The following FIG4 variants were observed in gnomAD, a reference collection of about 807,000 sequenced individuals.
FIG4 encodes the protein polyphosphoinositide phosphatase.
Under a neutral mutation model 118.6 loss-of-function variants are expected in FIG4, and 112 were observed. That is an observed-to-expected ratio of 0.94 (90% CI 0.81 to 1.11). The LOEUF is 1.11. Among genes scored for constraint, FIG4 ranks in the 50% least tolerant of loss-of-function variants. The pLI is 0.00. For synonymous variants in FIG4, 369 were observed against 381.2 expected (o/e 0.97, Z 0.37); for missense variants, 969 against 1,111.7 (o/e 0.87, Z 1.83).
intron 1 of FIG4, among the ~76,000 whole-genome samples, chr6:109,698,318 C>T (rs1415317083): frequency 2.6e-5 from 4 of 151,856 alleles, no homozygotes; most frequent in African/African-American, 9.7e-5. Context: ...TATGGCTATT[C>T]TAGAACCTTT....
At chr6:109,692,650 T>C (rs1028902863) in intron 1 of FIG4, among the ~76,000 whole-genome samples, 3 of 152,204 alleles carry the variant, frequency 2.0e-5, no homozygotes, top group African/African-American at 7.2e-5. Context: ...AAACCTATTT[T>C]CTGTAAAATA....
At chr6:109,701,523 T>C (rs1448918212) in intron 1 of FIG4, among the ~76,000 whole-genome samples, 1 of 152,222 alleles carries the variant, frequency 6.6e-6, no homozygotes, top group Non-Finnish European at 1.5e-5. Context: ...TTAAAATTGG[T>C]AGCTAAACAG....
At chr6:109,792,764 G>C (rs530124351) in intron 21 of FIG4, 100 bp downstream of exon 21, 1 of 677,644 alleles carries the variant, frequency 1.5e-6, no homozygotes, top group Admixed American at 2.6e-5. Flanking sequence ...TTGGAGACAA[G>C]AGTCTTGCTC....
chr6:109,790,413 A>G (rs557506119), intron 19 of FIG4, among the ~76,000 whole-genome samples: 5 of 152,344 alleles, frequency 3.3e-5, no homozygotes, highest in African/African-American at 9.6e-5. Flanking sequence ...AGCCCTGACC[A>G]GATGCTATGA....
chr6:109,773,036 C>T (rs1267375869), intron 15 of FIG4, among the ~76,000 whole-genome samples: 1 of 152,206 alleles, frequency 6.6e-6, no homozygotes, highest in Non-Finnish European at 1.5e-5. Flanking sequence ...TGTCCCATGT[C>T]CTTGCTGGCA....
chr6:109,824,808 G>A (rs1157951671), intron 22 of FIG4, among the ~76,000 whole-genome samples: 6 of 152,178 alleles, frequency 3.9e-5, no homozygotes, highest in Non-Finnish European at 5.9e-5. Flanking sequence ...AGACAGATGG[G>A]TGTGCAGACG....
Position 109,716,584 on chromosome 6 carries a change from C to G in FIG4, c.289+16C>G. 1.2e-6 allele frequency: 2 copies of G among 1,613,254 alleles called. No individual in the cohort carries two copies. Among genetic ancestry groups the G allele is most frequent in the Non-Finnish European group, 1.7e-6 (2 of 1,179,462 alleles). ...GGTGTTGTGGGTAAGAAATCTGCCC[C>G]CCTTCTTACAATCTCTTGTTTTTTG... On this transcript the variant is annotated intron_variant, in intron 3 of 22. Coordinates refer to ENST00000230124, the MANE Select transcript of FIG4 (RefSeq NM_014845.6).
chr6:109,776,186 T>C (rs1351546382), intron 15 of FIG4, among the ~76,000 whole-genome samples: 1 of 152,222 alleles, frequency 6.6e-6, no homozygotes, highest in Non-Finnish European at 1.5e-5. Context: ...TTATCATTGT[T>C]ACCAAAAGAT....
chr6:109,806,827 A>G (rs745478589), intron 22 of FIG4, among the ~76,000 whole-genome samples: 2 of 151,076 alleles, frequency 1.3e-5, no homozygotes, highest in Admixed American at 6.6e-5. Context: ...TCATTGTTCA[A>G]CTCCCACTTC....
chr6:109,696,870 C>G (rs1036353859), intron 1 of FIG4, among the ~76,000 whole-genome samples: 49 of 152,242 alleles, frequency 3.2e-4, no homozygotes, highest in Non-Finnish European at 1.8e-4. Flanking sequence ...TAGATTTTCA[C>G]TTAGCTAGAA....
At chr6:109,760,622 C>G (rs1388853633) in intron 11 of FIG4, among the ~76,000 whole-genome samples, 1 of 152,164 alleles carries the variant, frequency 6.6e-6, no homozygotes, top group African/African-American at 2.4e-5. Flanking sequence ...ATCTCTACAA[C>G]TGTTCCTTAA....
chr6:109,785,177 G>A, intron 17 of FIG4, 149 bp downstream of exon 17: 1 of 643,304 alleles, frequency 1.6e-6, no homozygotes, highest in Non-Finnish European at 2.8e-6. Context: ...TTAATAGATA[G>A]GATATTATAA....
chr6:109,734,803 A>T (rs1776112633), intron 5 of FIG4, among the ~76,000 whole-genome samples: 1 of 152,142 alleles, frequency 6.6e-6, no homozygotes, highest in Non-Finnish European at 1.5e-5. Flanking sequence ...ATAAAACCCC[A>T]TACAGATTCA....
At chr6:109,767,794 C>G (rs1777326330) in intron 15 of FIG4, among the ~76,000 whole-genome samples, 1 of 152,084 alleles carries the variant, frequency 6.6e-6, no homozygotes, top group Non-Finnish European at 1.5e-5. Flanking sequence ...ATGGTGTGAA[C>G]TCCGGAGGCA....
At chr6:109,806,675 ATAGGTTTGT>A (rs539697650) in intron 22 of FIG4, among the ~76,000 whole-genome samples, 105 of 151,390 alleles carry the variant, frequency 6.9e-4, no homozygotes, top group Non-Finnish European at 1.4e-3. Context: ...TACAGAATGC[ATAGGTTTGT>A]TACATAGGTA....
chr6:109,736,118 G>A (rs1776153265), intron 6 of FIG4, among the ~76,000 whole-genome samples: 1 of 152,158 alleles, frequency 6.6e-6, no homozygotes, highest in Non-Finnish European at 1.5e-5. Flanking sequence ...GTGTTCAGCT[G>A]ACTGTGGAAA....
rs1775389631 is a variant in FIG4 at position 109,715,137 on chromosome 6, T to C, written c.126T>C (p.Asp42=). 2 of 1,607,924 alleles carry C rather than the reference T, an allele frequency of 1.2e-6. No homozygotes were observed. Among genetic ancestry groups the C allele is most frequent in the Non-Finnish European group, 1.7e-6 (2 of 1,174,980 alleles). The change falls in exon 2 of 23, where the codon GAT becomes GAC. Residue 42 remains aspartate, a synonymous_variant. Transcript: ENST00000230124. ...AETKYRVLKI[D]RTEPKDLVII... Reference sequence around the variant, plus strand: ...CGAAATATCGTGTCTTGAAGATTGATAGAACAGAACCAAAAGATTTGGTCA... The same window carrying C: ...CGAAATATCGTGTCTTGAAGATTGACAGAACAGAACCAAAAGATTTGGTCA...
chr6:109,701,584 T>G, intron 1 of FIG4: 1 of 413,214 alleles, frequency 2.4e-6, no homozygotes, highest in Non-Finnish European at 5.0e-6. Flanking sequence ...ATGAAAGTTG[T>G]TAGGATAATT....
intron 22 of FIG4, among the ~76,000 whole-genome samples, chr6:109,812,324 G>A (rs183007223): frequency 2.0e-5 from 3 of 152,260 alleles, no homozygotes; most frequent in Admixed American, 1.3e-4. Context: ...AGGCACAGAG[G>A]CATGTGCTGT....
Sources: gnomAD v4.1 joint callset for allele counts (sites outside exome capture counted in the v4.1 genomes callset) on GRCh38, gnomAD v4.1.1 for gene constraint, MANE v1.5 for transcripts, NCBI Gene and HGNC (gene_info 2026-07-23, HGNC 2026-07-21) for gene names.